The following ALG9 variants were observed in gnomAD, a reference collection of about 807,000 sequenced individuals.
ALG9 encodes the protein alpha-1,2-mannosyltransferase ALG9.
Under a neutral mutation model 81.8 loss-of-function variants are expected in ALG9, and 55 were observed. That is an observed-to-expected ratio of 0.67 (90% CI 0.54 to 0.84). The LOEUF (loss-of-function observed/expected upper bound fraction) is 0.84, where lower values mean the gene tolerates loss of function less well. ALG9 is among the 40% of genes least tolerant of loss of function. The probability of loss-of-function intolerance (pLI) is 0.00; values close to 1 mark genes in which losing one functional copy is unlikely to be tolerated. For missense variants in ALG9, 629 were observed against 745.0 expected (o/e 0.84, Z 1.81); for synonymous variants, 278 against 274.3 (o/e 1.01, Z -0.13).
chr11:111,850,064 C>T (rs1380123234), intron 8 of ALG9, among the ~76,000 whole-genome samples: 4 of 152,116 alleles, frequency 2.6e-5, no homozygotes, highest in Admixed American at 1.3e-4. Flanking sequence ...AAATACAAGT[C>T]TTTTATGTAT....
At chr11:111,795,440 G>A (rs1226662424) in intron 14 of ALG9, among the ~76,000 whole-genome samples, 3 of 152,116 alleles carry the variant, frequency 2.0e-5, no homozygotes, top group Admixed American at 6.6e-5. Context: ...CATGGAAGGC[G>A]TGTTGCTAAA....
chr11:111,848,000 A>G (rs1474364545), intron 8 of ALG9, among the ~76,000 whole-genome samples: 3 of 152,340 alleles, frequency 2.0e-5, no homozygotes, highest in Admixed American at 2.0e-4. Context: ...TCAGTAGCCA[A>G]ACTCCAGGGT....
intron 4 of ALG9, among the ~76,000 whole-genome samples, chr11:111,862,238 TC>T (rs370863135): frequency 6.6e-6 from 1 of 150,856 alleles, no homozygotes; most frequent in Non-Finnish European, 1.5e-5. Flanking sequence ...TTCTTTTTTT[TC>T]TTTTTTTTTT....
intron 1 of ALG9, 170 bp downstream of exon 1, chr11:111,871,182 A>C: frequency 7.7e-7 from 1 of 1,299,976 alleles, no homozygotes; most frequent in Non-Finnish European, 9.7e-7. Context: ...CGAAGACTGA[A>C]TGCTGACCCG....
chr11:111,786,587 G>C, intron 14 of ALG9, 67 bp from the exon 15 acceptor site: 1 of 1,530,986 alleles, frequency 6.5e-7, no homozygotes, highest in Non-Finnish European at 9.0e-7. Flanking sequence ...TACTAAATGT[G>C]ATTAAAATAA....
intron 13 of ALG9, among the ~76,000 whole-genome samples, chr11:111,811,534 C>T (rs1384152228): frequency 1.5e-5 from 2 of 131,206 alleles, no homozygotes; most frequent in Non-Finnish European, 3.1e-5. Flanking sequence ...CAGAGTAAGA[C>T]TCTGTCTCAA....
At chr11:111,836,122 T>G in intron 13 of ALG9, 43 bp downstream of exon 13, 1 of 1,612,294 alleles carries the variant, frequency 6.2e-7, no homozygotes, top group Non-Finnish European at 8.5e-7. Flanking sequence ...CTTTTAGGCA[T>G]AGAATTCTTT....
intron 14 of ALG9, among the ~76,000 whole-genome samples, chr11:111,786,923 G>C (rs1242581216): frequency 6.6e-6 from 1 of 152,156 alleles, no homozygotes; most frequent in African/African-American, 2.4e-5. Context: ...CCAGCTCTAA[G>C]TTTTCCTGGA....
chr11:111,852,535 A>G lies in ALG9; in HGVS notation c.895+845T>C, dbSNP rs578087482. On this transcript the variant is annotated intron_variant, in intron 8 of 14. Coordinates refer to ENST00000616540, the MANE Select transcript of ALG9 (RefSeq NM_024740.2). ...CCATGCTGACCCCAGCCCAGCCCCA[A>G]TCGCTGTAACTTTGTCTACAGATTT... Among the ~76,000 whole-genome samples the G allele has an allele frequency of 1.1e-4, 16 of 152,316 alleles. No homozygotes were observed. In the East Asian group the frequency reaches 1.5e-3, roughly 15 times the overall value.
chr11:111,768,440 C>T, the ALG9 span, among the ~76,000 whole-genome samples: 1,119 of 151,652 alleles, frequency 7.4e-3, 8 homozygotes, highest in Middle Eastern at 0.054. Context: ...ACTTTATATT[C>T]GTAAATTTAA....
intron 8 of ALG9, among the ~76,000 whole-genome samples, chr11:111,847,788 C>T (rs920333809): frequency 2.0e-5 from 3 of 152,158 alleles, no homozygotes; most frequent in Non-Finnish European, 2.9e-5. Context: ...TCTGGTACAG[C>T]GCTCCCATGT....
chr11:111,862,743 A>G (rs564354315), intron 4 of ALG9, among the ~76,000 whole-genome samples: 1 of 150,774 alleles, frequency 6.6e-6, no homozygotes, highest in South Asian at 2.1e-4. Context: ...TATGATTCTT[A>G]TAAGTTCTGA....
chr11:111,812,842 C>T (rs561173181), intron 13 of ALG9, among the ~76,000 whole-genome samples: 80 of 144,372 alleles, frequency 5.5e-4, no homozygotes, highest in African/African-American at 2.0e-3. Flanking sequence ...CTTTGAACCC[C>T]GGAGGCAGTG....
intron 14 of ALG9, among the ~76,000 whole-genome samples, chr11:111,798,821 T>C (rs1219831549): frequency 6.6e-6 from 1 of 152,190 alleles, no homozygotes; most frequent in Non-Finnish European, 1.5e-5. Flanking sequence ...ATTAAGATCT[T>C]ATGCCTGGAT....
rs782193159 is a variant in ALG9, at chr11:111,868,739, A to G, written c.271-3T>C. ...TCCCCATAGATGAGGTAGTGTGTCT[A>G]AAAATACAAAACAGATAGATTCAGG... On this transcript the variant is annotated splice_polypyrimidine_tract_variant and splice_region_variant and intron_variant, in intron 2 of 14. Coordinates refer to ENST00000616540, the MANE Select transcript of ALG9 (RefSeq NM_024740.2). 1 of 1,605,322 alleles carries G rather than the reference A, an allele frequency of 6.2e-7. No homozygotes were observed.
At chr11:111,864,195 C>T (rs1961432031) in intron 4 of ALG9, 1 of 611,842 alleles carries the variant, frequency 1.6e-6, no homozygotes, top group Admixed American at 3.0e-5. Flanking sequence ...AGTTTTCAGT[C>T]AGGCCCCGCT....
At chr11:111,838,890 G>A (rs1955765672) in intron 10 of ALG9, among the ~76,000 whole-genome samples, 1 of 152,060 alleles carries the variant, frequency 6.6e-6, no homozygotes, top group South Asian at 2.1e-4. Context: ...CAAACTAGAT[G>A]AATATAATAT....
At chr11:111,857,423 ATTC>A (rs1324256360) in intron 6 of ALG9, among the ~76,000 whole-genome samples, 176 bp downstream of exon 6, 2 of 152,232 alleles carry the variant, frequency 1.3e-5, no homozygotes, top group Admixed American at 6.5e-5. Flanking sequence ...AATGGTCATT[ATTC>A]TTATTAGAAT....
intron 9 of ALG9, among the ~76,000 whole-genome samples, chr11:111,844,130 T>C (rs1555126562): frequency 1.3e-5 from 2 of 152,046 alleles, no homozygotes; most frequent in African/African-American, 4.8e-5. Flanking sequence ...TCAGCCTCCC[T>C]AGTAAGTGGG....
Sources: allele counts gnomAD v4.1 joint callset (sites outside exome capture counted in the v4.1 genomes callset), GRCh38; gene constraint gnomAD v4.1.1; transcripts MANE v1.5; gene names NCBI Gene and HGNC (gene_info 2026-07-23, HGNC 2026-07-21).